The following WWC2 variants were observed in gnomAD, a reference collection of about 807,000 sequenced individuals.
WWC2 encodes protein WWC2.
In WWC2, 101 loss-of-function variants were observed where a neutral mutation model predicts 138.5. That is an observed-to-expected ratio of 0.73 (90% confidence interval 0.62 to 0.86). The LOEUF (loss-of-function observed/expected upper bound fraction) is 0.86, where lower values mean the gene tolerates loss of function less well. WWC2 is among the 40% of genes least tolerant of loss of function. The pLI is 0.00. For missense variants in WWC2, 1,420 were observed against 1,419.4 expected, an observed-to-expected ratio of 1.00 and a Z score of -0.01; for synonymous variants, 558 against 538.4, an observed-to-expected ratio of 1.04 and a Z score of -0.50.
At chr4:183,295,173 G>A (rs1470234399) in intron 21 of WWC2, among the ~76,000 whole-genome samples, 1 of 152,114 alleles carries the variant, frequency 6.6e-6, no homozygotes. Flanking sequence ...CCTTCCTCTC[G>A]AACTCCTATG....
chr4:183,151,653 T>C (rs1733637959), intron 1 of WWC2, among the ~76,000 whole-genome samples: 2 of 152,338 alleles, frequency 1.3e-5, no homozygotes, highest in African/African-American at 4.8e-5. Context: ...GGTTTTCTTC[T>C]AGGGTTTTTA....
chr4:183,284,153 T>G (rs1738167482), intron 18 of WWC2, 73 bp from the exon 19 acceptor site: 6 of 1,554,762 alleles, frequency 3.9e-6, no homozygotes, highest in Non-Finnish European at 5.2e-6. Context: ...AGATATTTTT[T>G]CTTTCTTAGA....
intron 1 of WWC2, among the ~76,000 whole-genome samples, chr4:183,179,118 T>C (rs1188832682): frequency 6.6e-6 from 1 of 152,152 alleles, no homozygotes; most frequent in African/African-American, 2.4e-5. Context: ...TAAATTATAT[T>C]GTTGAATGAA....
intron 1 of WWC2, among the ~76,000 whole-genome samples, chr4:183,135,904 G>T (rs571742622): frequency 5.9e-5 from 9 of 152,036 alleles, no homozygotes; most frequent in African/African-American, 1.2e-4. Flanking sequence ...TTTATTTTTG[G>T]TTTTTTAAAA....
chr4:183,158,307 CATAACAA>C (rs1733863564), intron 1 of WWC2, among the ~76,000 whole-genome samples: 1 of 152,092 alleles, frequency 6.6e-6, no homozygotes. Context: ...GTAGGGCTGC[CATAACAA>C]AGTAGCACTG....
intron 1 of WWC2, among the ~76,000 whole-genome samples, chr4:183,185,611 A>T (rs941516527): frequency 6.6e-6 from 1 of 152,036 alleles, no homozygotes; most frequent in East Asian, 1.9e-4. Context: ...TTTTATTCGT[A>T]ACTAGACTTT....
chr4:183,138,851 C>T (rs1431469853), intron 1 of WWC2, among the ~76,000 whole-genome samples: 1 of 152,076 alleles, frequency 6.6e-6, no homozygotes, highest in Admixed American at 6.6e-5. Flanking sequence ...GGCATCTAGT[C>T]CTTCATGTGG....
In WWC2 at chr4:183,271,249, A is replaced by C. The variant is rs749468717; in HGVS notation, c.2562+8A>C. The C allele has an allele frequency of 7.5e-6, 12 of 1,595,838 alleles. No homozygotes were observed. Among genetic ancestry groups the C allele is most frequent in the Non-Finnish European group, 1.0e-5 (12 of 1,172,886 alleles). On this transcript the variant is annotated splice_region_variant and intron_variant, in intron 16 of 22. Transcript: ENST00000403733. Reference sequence around the variant, plus strand: ...GTAGATTCTATAGACTTGGTGAGTCAAAATTAGAGTATAATATGAAAGTAA... The same window carrying C: ...GTAGATTCTATAGACTTGGTGAGTCCAAATTAGAGTATAATATGAAAGTAA...
chr4:183,200,055 C>G (rs961555361), intron 2 of WWC2, among the ~76,000 whole-genome samples: 1 of 152,140 alleles, frequency 6.6e-6, no homozygotes, highest in Admixed American at 6.5e-5. Context: ...TGGGAACCCT[C>G]TTTTGTAGTT....
chr4:183,226,070 T>C (rs983571108), intron 4 of WWC2, among the ~76,000 whole-genome samples: 2 of 151,530 alleles, frequency 1.3e-5, no homozygotes, highest in African/African-American at 4.9e-5. Flanking sequence ...AACTCGTCTG[T>C]GAAACTTTTC....
chr4:183,275,239 T>A (rs111904775), intron 16 of WWC2, among the ~76,000 whole-genome samples: 1,526 of 152,086 alleles, frequency 0.01, 9 homozygotes, highest in Non-Finnish European at 0.015. Context: ...TTCTATAAGA[T>A]CATATTGTTT....
intron 1 of WWC2, among the ~76,000 whole-genome samples, chr4:183,133,452 G>C (rs1040565304): frequency 6.6e-6 from 1 of 151,716 alleles, no homozygotes; most frequent in Non-Finnish European, 1.5e-5. Context: ...TTATATCTAT[G>C]TTCTCAGGTG....
At chr4:183,263,339 C>A (rs980108987) in intron 11 of WWC2, among the ~76,000 whole-genome samples, 3 of 152,060 alleles carry the variant, frequency 2.0e-5, no homozygotes, top group Non-Finnish European at 4.4e-5. Context: ...AGTCTGTCAC[C>A]CACCCAGTAA....
chr4:183,107,415 T>C (rs1743403529), intron 1 of WWC2, among the ~76,000 whole-genome samples: 1 of 152,214 alleles, frequency 6.6e-6, no homozygotes, highest in Non-Finnish European at 1.5e-5. Flanking sequence ...TCCAAAGTGC[T>C]AGGATTACAG....
At chr4:183,158,769 ATAAACATTCCAG>A (rs1733874863) in intron 1 of WWC2, among the ~76,000 whole-genome samples, 1 of 152,174 alleles carries the variant, frequency 6.6e-6, no homozygotes, top group African/African-American at 2.4e-5. Context: ...TTAGAAATAC[ATAAACATTCCAG>A]TAAACATGGC....
intron 9 of WWC2, among the ~76,000 whole-genome samples, chr4:183,255,877 CTT>C (rs551883972): frequency 1.0e-3 from 146 of 140,394 alleles, no homozygotes; most frequent in Non-Finnish European, 1.1e-3. Context: ...GCTTTTTTTC[CTT>C]TTTTTTTTTT....
intron 1 of WWC2, among the ~76,000 whole-genome samples, chr4:183,139,749 C>A (rs949109580): frequency 1.3e-5 from 2 of 152,200 alleles, no homozygotes; most frequent in Admixed American, 1.3e-4. Context: ...ACCCGTGCCG[C>A]CCTACCCCCG....
At chr4:183,291,738 T>G (rs1002861068) in intron 21 of WWC2, among the ~76,000 whole-genome samples, 3 of 152,190 alleles carry the variant, frequency 2.0e-5, no homozygotes, top group African/African-American at 7.2e-5. Flanking sequence ...ACGCAAAGTT[T>G]CATCCATAAA....
chr4:183,308,483 G>A (rs572260344), intron 21 of WWC2, among the ~76,000 whole-genome samples: 3 of 152,312 alleles, frequency 2.0e-5, no homozygotes, highest in Non-Finnish European at 2.9e-5. Context: ...TAAAGCTATG[G>A]TAATCAAGGC....
Sources: gnomAD v4.1 joint callset for allele counts (sites outside exome capture counted in the v4.1 genomes callset) on GRCh38, gnomAD v4.1.1 for gene constraint, MANE v1.5 for transcripts, NCBI Gene and HGNC (gene_info 2026-07-23, HGNC 2026-07-21) for gene names.